CEP89: variants seen among roughly 807,000 people sequenced by gnomAD.
The protein encoded by CEP89 is centrosomal protein of 89 kDa.
CEP89 carries 95 observed loss-of-function variants against 97.6 expected under a neutral mutation model. That is an observed-to-expected ratio of 0.97 (90% CI 0.82 to 1.15). The LOEUF is 1.15. CEP89 is among the 50% of genes most tolerant of loss of function. The pLI is 0.00. For missense variants in CEP89, 869 were observed against 947.7 expected, an observed-to-expected ratio of 0.92 and a Z score of 1.09; for synonymous variants, 354 against 349.1, an observed-to-expected ratio of 1.01 and a Z score of -0.16.
intron 16 of CEP89, among the ~76,000 whole-genome samples, chr19:32,890,384 A>C (rs558808753): frequency 6.6e-6 from 1 of 152,040 alleles, no homozygotes; most frequent in South Asian, 2.1e-4. Flanking sequence ...TGGGTGACAC[A>C]GCGAGACTCC....
chr19:32,886,363 T>G (rs557981459), intron 17 of CEP89, among the ~76,000 whole-genome samples: 21 of 152,282 alleles, frequency 1.4e-4, no homozygotes, highest in African/African-American at 4.6e-4. Context: ...AGACTTCCCA[T>G]GTTCCCACCA....
chr19:32,931,696 G>A (rs929052977), intron 8 of CEP89, 125 bp from the exon 9 acceptor site: 72 of 653,338 alleles, frequency 1.1e-4, no homozygotes, highest in Non-Finnish European at 1.6e-4. Flanking sequence ...CTGTGTGTGC[G>A]TGTGTGTCTG....
chr19:32,916,192 T>A (rs1384738971), intron 13 of CEP89, among the ~76,000 whole-genome samples: 1 of 151,812 alleles, frequency 6.6e-6, no homozygotes, highest in African/African-American at 2.4e-5. Flanking sequence ...GCAGGAGGAC[T>A]GCTTGAGCCC....
chr19:32,884,532 T>A (rs1203438882), intron 17 of CEP89, among the ~76,000 whole-genome samples: 2 of 152,220 alleles, frequency 1.3e-5, no homozygotes, highest in Non-Finnish European at 2.9e-5. Flanking sequence ...ATAGTCTTTT[T>A]CTTTGCTTTT....
chr19:32,951,259 G>A (rs1970906179), intron 4 of CEP89, among the ~76,000 whole-genome samples: 1 of 152,160 alleles, frequency 6.6e-6, no homozygotes, highest in Non-Finnish European at 1.5e-5. Context: ...AACACTTTGG[G>A]AGGATCACCT....
intron 4 of CEP89, among the ~76,000 whole-genome samples, chr19:32,952,153 G>A (rs1337798399): frequency 6.6e-6 from 1 of 152,048 alleles, no homozygotes; most frequent in African/African-American, 2.4e-5. Flanking sequence ...GCCACATAAG[G>A]ATCCCTCAAA....
intron 3 of CEP89, among the ~76,000 whole-genome samples, chr19:32,956,922 T>A (rs1234726724): frequency 6.6e-6 from 1 of 152,204 alleles, no homozygotes; most frequent in Non-Finnish European, 1.5e-5. Flanking sequence ...TAGAGTATAG[T>A]CCTTCATTCA....
intron 16 of CEP89, among the ~76,000 whole-genome samples, chr19:32,899,366 T>C (rs1969715487): frequency 6.6e-6 from 1 of 152,160 alleles, no homozygotes; most frequent in South Asian, 2.1e-4. Flanking sequence ...ATTCCTGGGC[T>C]CAAATGATCC....
At position 32,892,655 on chromosome 19, in the gene CEP89, G is replaced by A. The variant is rs540664596; in HGVS notation, c.1876-4814C>T. Reference sequence around the variant, plus strand: ...CTTACAGGCCAGGAGAGAATGAGACGATATATTCAAAGGGCTAAAAGAAAA... The same window carrying A: ...CTTACAGGCCAGGAGAGAATGAGACAATATATTCAAAGGGCTAAAAGAAAA... On this transcript the variant is annotated intron_variant, in intron 16 of 18. Transcript: ENST00000305768. 8.7e-5 allele frequency among the ~76,000 whole-genome samples: 12 copies of A among 138,214 alleles called. 3 individuals carry two copies. The highest frequency in any genetic ancestry group is 3.0e-4 in the African/African-American group (11 of 36,952). 90.7% of individuals were successfully genotyped at this position (138,214 alleles called of 152,430 possible).
chr19:32,891,826 A>T (rs528031065), intron 16 of CEP89, among the ~76,000 whole-genome samples: 1 of 151,702 alleles, frequency 6.6e-6, no homozygotes, highest in Non-Finnish European at 1.5e-5. Flanking sequence ...AGAGAGAGAA[A>T]GAGAGAGAGA....
intron 18 of CEP89, among the ~76,000 whole-genome samples, chr19:32,881,122 G>T (rs924498597): frequency 6.6e-6 from 1 of 152,130 alleles, no homozygotes; most frequent in Non-Finnish European, 1.5e-5. Context: ...GGATCCCCAG[G>T]CCCTGACTGC....
intron 11 of CEP89, among the ~76,000 whole-genome samples, chr19:32,924,836 A>G (rs1970322289): frequency 6.6e-6 from 1 of 152,206 alleles, no homozygotes; most frequent in Non-Finnish European, 1.5e-5. Flanking sequence ...ATGTTGCAAC[A>G]GCAGGGCTGA....
chr19:32,921,120 G>A (rs547903183), intron 12 of CEP89, among the ~76,000 whole-genome samples: 2 of 151,950 alleles, frequency 1.3e-5, no homozygotes, highest in South Asian at 4.2e-4. Flanking sequence ...TACTCAGGAG[G>A]CTGAGGCAGG....
chr19:32,959,042 A>AAAC (rs369311831), intron 3 of CEP89, among the ~76,000 whole-genome samples: 8 of 41,648 alleles, frequency 1.9e-4, no homozygotes, highest in Non-Finnish European at 1.8e-4. Context: ...CAAAACAAAC[A>AAAC]AAACAAAAAA....
At chr19:32,899,080 ATGTTT>A (rs939620531) in intron 16 of CEP89, among the ~76,000 whole-genome samples, 27 of 151,142 alleles carry the variant, frequency 1.8e-4, no homozygotes, top group African/African-American at 6.6e-4. Flanking sequence ...AAAGAAAAAA[ATGTTT>A]TGTAACATTT....
intron 10 of CEP89, 104 bp downstream of exon 10, chr19:32,926,830 G>T: frequency 1.1e-6 from 1 of 949,916 alleles, no homozygotes; most frequent in South Asian, 1.4e-5. Context: ...CCAAAGTGCT[G>T]GGATTACAGA....
intron 16 of CEP89, among the ~76,000 whole-genome samples, chr19:32,892,734 T>C (rs1012279680): frequency 4.7e-5 from 7 of 148,288 alleles, no homozygotes; most frequent in Non-Finnish European, 8.9e-5. Flanking sequence ...AGCAAAGTTA[T>C]CCTTCATAAA....
At chr19:32,898,654 G>A (rs913753545) in intron 16 of CEP89, among the ~76,000 whole-genome samples, 14 of 151,992 alleles carry the variant, frequency 9.2e-5, no homozygotes, top group African/African-American at 3.4e-4. Context: ...GGCCGAGGTG[G>A]GCAGATCTCT....
intron 9 of CEP89, among the ~76,000 whole-genome samples, chr19:32,930,470 G>C (rs1392060831): frequency 6.6e-6 from 1 of 151,554 alleles, no homozygotes; most frequent in African/African-American, 2.4e-5. Context: ...TTTCAAAGCT[G>C]TTATTAAAAA....
Sources: allele counts gnomAD v4.1 joint callset (sites outside exome capture counted in the v4.1 genomes callset), GRCh38; gene constraint gnomAD v4.1.1; transcripts MANE v1.5; gene names NCBI Gene and HGNC (gene_info 2026-07-23, HGNC 2026-07-21).